The following SBNO1 variants were observed in gnomAD, a reference collection of about 807,000 sequenced individuals.
SBNO1 encodes protein strawberry notch homolog 1.
Under a neutral mutation model 173.6 loss-of-function variants are expected in SBNO1, and 23 were observed. The ratio of observed to expected loss-of-function variants is 0.13; its 90% CI spans 0.10 to 0.19. The LOEUF is 0.19. Ranked by LOEUF, SBNO1 falls within the 10% of genes least tolerant of loss-of-function variation. The pLI is 1.00. For missense variants in SBNO1, 1,238 were observed against 1,671.2 expected (o/e 0.74, Z 4.52); for synonymous variants, 632 against 571.5 (o/e 1.11, Z -1.51).
intron 2 of SBNO1, among the ~76,000 whole-genome samples, chr12:123,349,285 A>G (rs1000445149): frequency 6.6e-6 from 1 of 152,026 alleles, no homozygotes; most frequent in Non-Finnish European, 1.5e-5. Flanking sequence ...AACTTTTTGT[A>G]GAGACAAGGT....
Position 123,321,679 on chromosome 12 carries a change from C to T in SBNO1, c.2179G>A (p.Gly727Ser). 1 of 1,614,086 alleles carries T rather than the reference C, an allele frequency of 6.2e-7. No homozygotes were observed. The change falls in exon 17 of 32, where the codon GGT (glycine) becomes AGT (serine). Residue 727 changes from glycine to serine, a missense_variant. Transcript: ENST00000602398. ...KKARKVGGLT[G>S]SSSDDSGSES... Reference sequence around the variant, plus strand: ...CTTCCACTGTCGTCAGAACTGCTACCAGTAAGGCCACCTACTTTTCGTGCT... The same window carrying T: ...CTTCCACTGTCGTCAGAACTGCTACTAGTAAGGCCACCTACTTTTCGTGCT...
At chr12:123,315,769 A>C in intron 21 of SBNO1, 109 bp from the exon 22 acceptor site, 1 of 645,650 alleles carries the variant, frequency 1.5e-6, no homozygotes, top group Non-Finnish European at 2.8e-6. Context: ...GAAACCACTA[A>C]ACAATAAAAA....
At chr12:123,360,109 T>C (rs1315882119) in intron 1 of SBNO1, among the ~76,000 whole-genome samples, 1 of 151,582 alleles carries the variant, frequency 6.6e-6, no homozygotes, top group Non-Finnish European at 1.5e-5. Flanking sequence ...CCAGGTATGG[T>C]GGTGGGCGCC....
chr12:123,357,117 A>T (rs970650805), intron 1 of SBNO1, among the ~76,000 whole-genome samples: 3 of 152,218 alleles, frequency 2.0e-5, no homozygotes, highest in African/African-American at 4.8e-5. Flanking sequence ...AGCAGTTACA[A>T]AGAAGTTAGT....
chr12:123,307,352 T>TG (rs767868226), intron 28 of SBNO1, among the ~76,000 whole-genome samples: 11 of 149,436 alleles, frequency 7.4e-5, no homozygotes, highest in Non-Finnish European at 1.3e-4. Flanking sequence ...TGAAGGAAGG[T>TG]GGGAAAAAAA....
At chr12:123,326,428 C>T in intron 13 of SBNO1, 94 bp from the exon 14 acceptor site, 1 of 655,056 alleles carries the variant, frequency 1.5e-6, no homozygotes, top group Non-Finnish European at 2.4e-6. Flanking sequence ...AGTGCAAGAC[C>T]ATTTAATATT....
intron 30 of SBNO1, among the ~76,000 whole-genome samples, chr12:123,299,834 T>TA (rs2048728130): frequency 1.3e-5 from 2 of 151,852 alleles, no homozygotes; most frequent in South Asian, 4.2e-4. Flanking sequence ...GCCCTCTGTT[T>TA]AAAAAAGAAA....
chr12:123,364,201 G>A (rs1316178077), intron 1 of SBNO1: 3 of 985,544 alleles, frequency 3.0e-6, no homozygotes, highest in African/African-American at 1.7e-5. Context: ...TCAGATTTAG[G>A]AAGGACGACC....
intron 21 of SBNO1, 65 bp from the exon 22 acceptor site, chr12:123,315,725 G>T: frequency 3.4e-6 from 3 of 885,510 alleles, no homozygotes; most frequent in Non-Finnish European, 3.8e-6. Context: ...ATTCTGAGAT[G>T]TATTCCTAGC....
Position 123,313,193 on chromosome 12 carries a change from T to C in SBNO1, c.3220+427A>G, listed in dbSNP as rs573405756. 1.1e-4 allele frequency among the ~76,000 whole-genome samples: 16 copies of C among 143,354 alleles called. No homozygotes were observed. The South Asian group carries it at 3.5e-3, about 31-fold the overall frequency. The allele number at this position is 143,354 out of a possible 152,430, so 94.0% of individuals were successfully genotyped here. A position where few individuals can be genotyped will look rare whatever the true frequency, so the allele number is the denominator to read the frequency against. On this transcript the variant is annotated intron_variant, in intron 24 of 31. Coordinates refer to ENST00000602398, the MANE Select transcript of SBNO1 (RefSeq NM_001167856.3). ...CTCCAGCCTGGCGACAGAGCAAGAC[T>C]CGGTCTTAAAATAAATAAATAAATA...
chr12:123,343,890 T>C (rs1006855708), intron 4 of SBNO1, among the ~76,000 whole-genome samples: 4 of 152,178 alleles, frequency 2.6e-5, no homozygotes, highest in African/African-American at 4.8e-5. Context: ...CTTCCATACA[T>C]GGATAGTCTT....
chr12:123,313,819 T>C, intron 23 of SBNO1, 100 bp from the exon 24 acceptor site: 1 of 686,132 alleles, frequency 1.5e-6, no homozygotes, highest in Non-Finnish European at 2.5e-6. Flanking sequence ...CTGGGTGCGG[T>C]GGCTCATGCC....
chr12:123,298,126 T>C lies in SBNO1; in HGVS notation c.3891A>G (p.Ile1297Met), dbSNP rs1471901529. The C allele has an allele frequency of 6.2e-7, 1 of 1,611,244 alleles. No individual in the cohort carries two copies. Among genetic ancestry groups the C allele is most frequent in the Admixed American group, 1.7e-5 (1 of 59,248 alleles). The stretch of plus-strand genomic sequence containing the variant: ...CATAATATGTACGGCAACGAAGACC[T>C]ATTTCACAAACTAGCCCCAAGCTTG... ...KKASLGLVCE[I>M]GLRCRTYYVL... Residue 1297 changes from isoleucine to methionine, a missense_variant, in exon 31 of 32, where the codon ATA (isoleucine) becomes ATG (methionine). Transcript: ENST00000602398.
chr12:123,302,735 T>C, intron 30 of SBNO1, 89 bp downstream of exon 30: 1 of 828,516 alleles, frequency 1.2e-6, no homozygotes, highest in African/African-American at 1.7e-5. Flanking sequence ...TGTTAGTTAA[T>C]TCATGAGGAC....
intron 1 of SBNO1, among the ~76,000 whole-genome samples, chr12:123,361,103 G>C (rs932575135): frequency 1.3e-5 from 2 of 152,194 alleles, no homozygotes; most frequent in East Asian, 3.9e-4. Flanking sequence ...AATTAGCTGG[G>C]CGTGGTGGCA....
In SBNO1 at chr12:123,297,400, CAAAAAAAAAA is replaced by C. The variant is rs59447456; in HGVS notation, c.4039+568_4039+577del. ...TACAACATCCCAAAATACTGGTGTC[CAAAAAAAAAA>C]AAAAAAAAAAAATTCCATAGACTGA... On this transcript the variant is annotated intron_variant, in intron 31 of 31. Transcript: ENST00000602398. Among the ~76,000 whole-genome samples the C allele has an allele frequency of 7.0e-4, 22 of 31,516 alleles. 1 individual carries two copies. Among genetic ancestry groups the C allele is most frequent in the Admixed American group, 1.8e-3 (3 of 1,626 alleles). The allele number at this position is 31,516 out of a possible 152,430, so 20.7% of individuals were successfully genotyped here.
chr12:123,323,990 AAAT>A (rs1264707371), intron 15 of SBNO1, among the ~76,000 whole-genome samples, 159 bp from the exon 16 acceptor site: 5 of 152,232 alleles, frequency 3.3e-5, no homozygotes, highest in South Asian at 2.1e-4. Context: ...CTGTCCAACT[AAAT>A]AATAAGAATG....
rs1246348161 is a variant in SBNO1 at position 123,291,082 on chromosome 12, C to T, written c.*4826G>A. The T allele has an allele frequency of 2.0e-5, 3 of 152,152 alleles. No individual in the cohort carries two copies. Among genetic ancestry groups the T allele is most frequent in the Non-Finnish European group, 4.4e-5 (3 of 68,036 alleles). 9.4% of individuals were successfully genotyped at this position (152,152 alleles called of 1,614,324 possible). On this transcript the variant is annotated 3_prime_UTR_variant, in exon 32 of 32. Coordinates refer to ENST00000602398, the MANE Select transcript of SBNO1 (RefSeq NM_001167856.3). ...TCTCTAAAGTCACCTGTCAATAACACACTAGGCCTGCCTCCTGCCTGCTAT... is the reference window on the plus strand; with the variant it reads ...TCTCTAAAGTCACCTGTCAATAACATACTAGGCCTGCCTCCTGCCTGCTAT...
chr12:123,299,446 C>G (rs2048709915), intron 30 of SBNO1, among the ~76,000 whole-genome samples: 1 of 151,412 alleles, frequency 6.6e-6, no homozygotes, highest in African/African-American at 2.4e-5. Context: ...CTTTGGGAGG[C>G]CGAAGCAGGC....
Sources: allele counts gnomAD v4.1 joint callset (sites outside exome capture counted in the v4.1 genomes callset), GRCh38; gene constraint gnomAD v4.1.1; transcripts MANE v1.5; gene names NCBI Gene and HGNC (gene_info 2026-07-23, HGNC 2026-07-21).